The following CNOT4 variants were observed in gnomAD, a reference collection of about 807,000 sequenced individuals.
CNOT4 encodes CCR4-NOT transcription complex subunit 4.
In CNOT4, 8 loss-of-function variants were observed where a neutral mutation model predicts 73.8. The ratio of observed to expected loss-of-function variants is 0.11; its 90% CI spans 0.06 to 0.20. The LOEUF (loss-of-function observed/expected upper bound fraction) is 0.20. Ranked by LOEUF, CNOT4 falls within the 10% of genes least tolerant of loss-of-function variation. The pLI is 1.00. For missense variants in CNOT4, 564 were observed against 883.4 expected, an observed-to-expected ratio of 0.64 and a Z score of 4.58; for synonymous variants, 293 against 321.1, an observed-to-expected ratio of 0.91 and a Z score of 0.94.
At chr7:135,376,144 T>TC (rs1464000187) in intron 10 of CNOT4, among the ~76,000 whole-genome samples, 3 of 152,032 alleles carry the variant, frequency 2.0e-5, no homozygotes, top group African/African-American at 7.2e-5. Context: ...GAATTATAAC[T>TC]CATATGCAAA....
At chr7:135,446,371 T>C (rs984492254) in intron 1 of CNOT4, among the ~76,000 whole-genome samples, 7 of 152,206 alleles carry the variant, frequency 4.6e-5, no homozygotes, top group African/African-American at 1.2e-4. Context: ...TGAATGTACT[T>C]AATGCCACTG....
At chr7:135,419,847 A>C (rs1022960379) in intron 3 of CNOT4, among the ~76,000 whole-genome samples, 8 of 151,758 alleles carry the variant, frequency 5.3e-5, no homozygotes, top group Non-Finnish European at 1.0e-4. Flanking sequence ...GTTTGAGACC[A>C]GCCTAGTCAA....
At chr7:135,423,859 T>C (rs1219307073) in intron 2 of CNOT4, among the ~76,000 whole-genome samples, 1 of 152,170 alleles carries the variant, frequency 6.6e-6, no homozygotes, top group Non-Finnish European at 1.5e-5. Flanking sequence ...CAAAGCAGCT[T>C]GCTTAGTAAT....
intron 7 of CNOT4, among the ~76,000 whole-genome samples, chr7:135,410,135 A>G (rs747624400): frequency 1.3e-5 from 2 of 152,130 alleles, no homozygotes; most frequent in African/African-American, 4.8e-5. Context: ...TCCTTCAGAT[A>G]ACACCCACTT....
intron 10 of CNOT4, among the ~76,000 whole-genome samples, chr7:135,381,009 T>C (rs1795815415): frequency 6.6e-6 from 1 of 152,184 alleles, no homozygotes; most frequent in Admixed American, 6.5e-5. Context: ...CTATGAAATA[T>C]TTGTTCAGAA....
intron 2 of CNOT4, among the ~76,000 whole-genome samples, chr7:135,429,198 T>A (rs761342685): frequency 3.9e-5 from 6 of 152,216 alleles, no homozygotes; most frequent in Non-Finnish European, 8.8e-5. Flanking sequence ...CTTTTGCCCT[T>A]TTAAAATGTG....
At chr7:135,498,545 T>G (rs1192203508) in intron 1 of CNOT4, among the ~76,000 whole-genome samples, 1 of 152,164 alleles carries the variant, frequency 6.6e-6, no homozygotes, top group Non-Finnish European at 1.5e-5. Context: ...TTTAAGGTTT[T>G]TATGTTTGTT....
intron 10 of CNOT4, among the ~76,000 whole-genome samples, chr7:135,384,966 T>G (rs1201201283): frequency 6.6e-6 from 1 of 152,214 alleles, no homozygotes; most frequent in Non-Finnish European, 1.5e-5. Context: ...TCACCACAGA[T>G]CTAACCAAAT....
rs1188498173 is a variant in CNOT4, at chr7:135,444,721, C to T, written c.-92-6298G>A. The T allele has an allele frequency of 4.3e-5, 57 of 1,311,250 alleles. 1 individual carries two copies. The Admixed American group carries it at 4.7e-4, about 11-fold the overall frequency. The allele number at this position is 1,311,250 out of a possible 1,614,324, so 81.2% of individuals were successfully genotyped here. ...GCTGCTTGTTTGAATCCTTGCTCTG[C>T]GATGGGCTATTCCCTGGCTGCGACC... is the stretch of plus-strand genomic sequence containing the variant. On this transcript the variant is annotated intron_variant, in intron 1 of 11. Transcript: ENST00000541284.
intron 1 of CNOT4, among the ~76,000 whole-genome samples, chr7:135,470,290 C>T (rs1401527326): frequency 6.6e-6 from 1 of 151,760 alleles, no homozygotes; most frequent in African/African-American, 2.4e-5. Context: ...AACCCCATGC[C>T]CCACTAGTTT....
At position 135,362,593 on chromosome 7, in the gene CNOT4, T is replaced by C; in HGVS notation, c.*292A>G. On this transcript the variant is annotated 3_prime_UTR_variant, in exon 12 of 12. Transcript: ENST00000541284. ...TATGCGCAACAGACAAACAATAATT[T>C]TCTAAGTATTGAGACTGCCCTTTGA... 1 of 523,750 alleles carries C rather than the reference T, an allele frequency of 1.9e-6. No homozygotes were observed. The allele number at this position is 523,750 out of a possible 1,614,324, so 32.4% of individuals were successfully genotyped here.
At chr7:135,493,968 A>G (rs933032275) in intron 1 of CNOT4, among the ~76,000 whole-genome samples, 13 of 152,064 alleles carry the variant, frequency 8.5e-5, no homozygotes, top group Non-Finnish European at 1.2e-4. Flanking sequence ...AATGTAAAAT[A>G]TAAGTATTGT....
Position 135,415,156 on chromosome 7 carries a change from A to C in CNOT4, c.459+20T>G. ...CCCAGACCATAGGGAGGAAAAGCAA[A>C]AATCCCTAAAATTAGTTACCTGTGA... On this transcript the variant is annotated intron_variant, in intron 4 of 11. Transcript: ENST00000541284. The C allele has an allele frequency of 1.3e-6, 2 of 1,501,376 alleles. No homozygotes were observed. Among genetic ancestry groups the C allele is most frequent in the Non-Finnish European group, 1.9e-6 (2 of 1,079,488 alleles). 93.0% of individuals were successfully genotyped at this position (1,501,376 alleles called of 1,614,324 possible).
In CNOT4 at chr7:135,420,449, C is replaced by T. The variant is rs1347715558; in HGVS notation, c.372+1707G>A. On this transcript the variant is annotated intron_variant, in intron 3 of 11. Coordinates refer to ENST00000541284, the MANE Select transcript of CNOT4 (RefSeq NM_001190850.2). The stretch of plus-strand genomic sequence containing the variant: ...AAAACTAGCCAGGTGTGGTGATATG[C>T]ACCTGTAGACCCAGTTACCTGGGGG... Among the ~76,000 whole-genome samples the T allele has an allele frequency of 3.3e-5, 5 of 151,800 alleles. No homozygotes were observed. In the East Asian group the frequency reaches 9.7e-4, roughly 30 times the overall value.
Position 135,395,905 on chromosome 7 carries a change from A to G in CNOT4, c.880-22T>C, listed in dbSNP as rs776325860. On this transcript the variant is annotated intron_variant, in intron 8 of 11. Transcript: ENST00000541284. ...ATATCTGAATAAAAAAGGAAAACAA[A>G]TAATAACTACATGTTTATACATTTT... 4 of 1,533,308 alleles carry G rather than the reference A, an allele frequency of 2.6e-6. No individual in the cohort carries two copies. The African/African-American group carries it at 4.1e-5, about 16-fold the overall frequency. The allele number at this position is 1,533,308 out of a possible 1,614,324, so 95.0% of individuals were successfully genotyped here.
chr7:135,409,106 T>C (rs1327718061), intron 7 of CNOT4, among the ~76,000 whole-genome samples: 2 of 152,216 alleles, frequency 1.3e-5, no homozygotes, highest in Non-Finnish European at 2.9e-5. Flanking sequence ...ACAACATTTT[T>C]AATGCAAACA....
At chr7:135,507,657 C>T (rs1001725187) in intron 1 of CNOT4, among the ~76,000 whole-genome samples, 1 of 152,130 alleles carries the variant, frequency 6.6e-6, no homozygotes, top group African/African-American at 2.4e-5. Context: ...TTCTACCAGA[C>T]AAACAATCCT....
chr7:135,415,097 G>A (rs1797788619), intron 4 of CNOT4, 79 bp downstream of exon 4: 2 of 823,678 alleles, frequency 2.4e-6, no homozygotes, highest in Non-Finnish European at 4.1e-6. Context: ...TAATCAGAGA[G>A]AGCAAAGTTT....
At position 135,465,875 on chromosome 7, in the gene CNOT4, C is replaced by G. The variant is rs533391214; in HGVS notation, c.-92-27452G>C. On this transcript the variant is annotated intron_variant, in intron 1 of 11. Transcript: ENST00000541284. ...CCAGCCTGACCAACACGGTGAAACCCCAGCTCTACTAAAACTACAAAAATT... is the reference window on the plus strand; with the variant it reads ...CCAGCCTGACCAACACGGTGAAACCGCAGCTCTACTAAAACTACAAAAATT... 6.1e-4 allele frequency among the ~76,000 whole-genome samples: 93 copies of G among 151,616 alleles called. 1 individual carries two copies. Among genetic ancestry groups the G allele is most frequent in the African/African-American group, 2.2e-3 (92 of 41,332 alleles).
Sources: gnomAD v4.1 joint callset for allele counts (sites outside exome capture counted in the v4.1 genomes callset) on GRCh38, gnomAD v4.1.1 for gene constraint, MANE v1.5 for transcripts, NCBI Gene and HGNC (gene_info 2026-07-23, HGNC 2026-07-21) for gene names.